Variants in PPP2R3C observed in about 807,000 individuals in gnomAD.
The protein encoded by PPP2R3C is serine/threonine-protein phosphatase 2A regulatory subunit B'' subunit gamma.
A neutral mutation model predicts 63.7 loss-of-function variants in PPP2R3C; 47 were observed. The observed-to-expected ratio is 0.74, with a 90% CI of 0.58 to 0.94. The LOEUF is 0.94. Ranked by LOEUF, PPP2R3C falls within the 40% of genes least tolerant of loss-of-function variation. PPP2R3C has a pLI of 0.00. For missense variants in PPP2R3C, 421 were observed against 518.4 expected, an observed-to-expected ratio of 0.81 and a Z score of 1.82; for synonymous variants, 180 against 177.4, an observed-to-expected ratio of 1.01 and a Z score of -0.12.
chr14:35,102,274 T>TCA (rs2046223136), intron 6 of PPP2R3C: 1 of 152,254 alleles, frequency 6.6e-6, no homozygotes, highest in Non-Finnish European at 1.5e-5. Context: ...TCTGCCTGCC[T>TCA]TGGCCTCCCA....
chr14:35,106,046 C>G (rs985977147), intron 6 of PPP2R3C, among the ~76,000 whole-genome samples: 1 of 151,732 alleles, frequency 6.6e-6, no homozygotes, highest in African/African-American at 2.4e-5. Flanking sequence ...GGGGTTTCAC[C>G]GTGTTAGCCA....
Position 35,095,127 on chromosome 14 carries a change from G to A in PPP2R3C, c.896C>T (p.Ser299Leu), listed in dbSNP as rs914955161. Reference sequence around the variant, plus strand: ...GGTCATGGTAGCTGTTCCATAGCGTGAGAGTTCTTCTTTACTGAGCATGCC... The same window carrying A: ...GGTCATGGTAGCTGTTCCATAGCGTAAGAGTTCTTCTTTACTGAGCATGCC... ...HNGMLSKEEL[S>L]RYGTATMTNV... is the part of the protein sequence containing the mutation. The change falls in exon 10 of 13, where the codon TCA (serine) becomes TTA (leucine). Residue 299 changes from serine (S) to leucine (L), a missense_variant. This residue lies in a region of PPP2R3C where 231 missense variants were observed against 264.8 expected (regional missense o/e 0.87). Transcript: ENST00000261475. The A allele has an allele frequency of 2.5e-6, 4 of 1,612,492 alleles. No individual in the cohort carries two copies. Among genetic ancestry groups the A allele is most frequent in the African/African-American group, 2.7e-5 (2 of 74,898 alleles).
intron 2 of PPP2R3C, among the ~76,000 whole-genome samples, chr14:35,112,548 G>C (rs563925651): frequency 2.6e-5 from 4 of 152,228 alleles, no homozygotes; most frequent in South Asian, 4.1e-4. Context: ...CCATCAGAAG[G>C]AACAGAGTTA....
chr14:35,112,562 G>A (rs963134879), intron 2 of PPP2R3C, among the ~76,000 whole-genome samples: 1 of 152,108 alleles, frequency 6.6e-6, no homozygotes, highest in African/African-American at 2.4e-5. Context: ...AGAGTTAAAG[G>A]AGTATAAACC....
chr14:35,108,188 T>A lies in PPP2R3C; in HGVS notation c.453A>T (p.Ser151=), dbSNP rs1237492890. The change falls in exon 5 of 13, where the codon TCA becomes TCT. Residue 151 remains serine (S), a synonymous_variant. Coordinates refer to ENST00000261475, the MANE Select transcript of PPP2R3C (RefSeq NM_017917.4). ...KVFAKLLHTD[S]YGRISIMQFF... Reference sequence around the variant, plus strand: ...ACTGCATGATGGAAATTCTTCCATATGAATCTGTATGAAGGAGTTTAGCAA... The same window carrying A: ...ACTGCATGATGGAAATTCTTCCATAAGAATCTGTATGAAGGAGTTTAGCAA... 5 of 1,602,230 alleles carry A rather than the reference T, an allele frequency of 3.1e-6. No individual in the cohort carries two copies. Among genetic ancestry groups the A allele is most frequent in the East Asian group, 2.3e-5 (1 of 44,436 alleles).
At position 35,090,919 on chromosome 14, in the gene PPP2R3C, G is replaced by A. The variant is rs766249402; in HGVS notation, c.1113+151C>T. On this transcript the variant is annotated intron_variant, in intron 11 of 12. Transcript: ENST00000261475. ...TTTAGTAGAGACGGGGTTTCACCATGTTAGCCAGGATGGTCTCTATCTCCT... is the reference window on the plus strand; with the variant it reads ...TTTAGTAGAGACGGGGTTTCACCATATTAGCCAGGATGGTCTCTATCTCCT... 8.0e-4 allele frequency: 460 copies of A among 572,700 alleles called. 4 individuals carry two copies. Among genetic ancestry groups the A allele is most frequent in the South Asian group, 2.0e-4 (8 of 40,732 alleles). The allele number at this position is 572,700 out of a possible 1,614,324, so 35.5% of individuals were successfully genotyped here. A position where few individuals can be genotyped will look rare whatever the true frequency, so the allele number is the denominator to read the frequency against.
Position 35,095,041 on chromosome 14 carries a change from C to A in PPP2R3C, c.975+7G>T, listed in dbSNP as rs775383598. The stretch of plus-strand genomic sequence containing the variant: ...TTTAAAACTTAGCAGCAGATTTAAA[C>A]TACTACCATTTCTCCATCATAAGTG... On this transcript the variant is annotated splice_region_variant and intron_variant, in intron 10 of 12. Transcript: ENST00000261475. 1.2e-6 allele frequency: 2 copies of A among 1,601,542 alleles called. No homozygotes were observed. The highest frequency in any genetic ancestry group is 3.3e-5 in the Admixed American group (2 of 59,808).
chr14:35,109,096 T>C (rs141569602), intron 4 of PPP2R3C, among the ~76,000 whole-genome samples: 15,971 of 151,998 alleles, frequency 0.11, 1,061 homozygotes, highest in African/African-American at 0.19. Context: ...CTTGCTCTTT[T>C]GCCAAGCTGG....
At chr14:35,099,514 G>A (rs1033430690) in intron 6 of PPP2R3C, 130 bp from the exon 7 acceptor site, 149 of 1,154,096 alleles carry the variant, frequency 1.3e-4, no homozygotes, top group African/African-American at 1.0e-3. Flanking sequence ...TATTTTAGTG[G>A]TAAAACTATT....
chr14:35,096,061 C>A lies in PPP2R3C; in HGVS notation c.838+497G>T, dbSNP rs907991936. 1.2e-4 allele frequency among the ~76,000 whole-genome samples: 18 copies of A among 152,270 alleles called. 1 individual carries two copies. Among genetic ancestry groups the A allele is most frequent in the Middle Eastern group, 3.4e-3 (1 of 294 alleles). ...AGTGTATAACTTAAAAAGGGTTCTG[C>A]TGGGTGCAGTGCCTCATGCCTATAA... On this transcript the variant is annotated intron_variant, in intron 9 of 12. Transcript: ENST00000261475.
intron 12 of PPP2R3C, 128 bp from the exon 13 acceptor site, chr14:35,085,906 G>A (rs1368590374): frequency 1.4e-6 from 1 of 698,656 alleles, no homozygotes; most frequent in African/African-American, 1.8e-5. Context: ...TGCCACTTGG[G>A]CTTATGTTAA....
chr14:35,120,341 TTGAAGGTATTCTCCTGCCTCAACCTC>T (rs2046830682), intron 1 of PPP2R3C, among the ~76,000 whole-genome samples: 1 of 151,614 alleles, frequency 6.6e-6, no homozygotes, highest in South Asian at 2.1e-4. Flanking sequence ...GCCTCTCGGG[TTGAAGGTATTCTCCTGCCTCAACCTC>T]TGGAGTAGCT....
intron 11 of PPP2R3C, among the ~76,000 whole-genome samples, chr14:35,089,705 A>C (rs1021493487): frequency 3.5e-4 from 52 of 150,688 alleles, no homozygotes; most frequent in Non-Finnish European, 6.9e-4. Flanking sequence ...TCGCTCTGTT[A>C]CCCAGGCTGC....
intron 2 of PPP2R3C, among the ~76,000 whole-genome samples, chr14:35,111,773 C>A (rs1433669252): frequency 6.6e-6 from 1 of 152,190 alleles, no homozygotes; most frequent in African/African-American, 2.4e-5. Flanking sequence ...GCAGACTCAG[C>A]ACGCAAGGAC....
At chr14:35,098,658 A>AT (rs1364373382) in intron 7 of PPP2R3C, 1 of 152,044 alleles carries the variant, frequency 6.6e-6, no homozygotes, top group Non-Finnish European at 1.5e-5. Flanking sequence ...CCATAGCTGA[A>AT]TTTTCAAGGA....
intron 10 of PPP2R3C, among the ~76,000 whole-genome samples, chr14:35,094,545 T>G (rs2045934657): frequency 6.8e-6 from 1 of 147,582 alleles, no homozygotes; most frequent in Non-Finnish European, 1.5e-5. Context: ...AAATGAACAA[T>G]AAGCTTTTCT....
At chr14:35,109,328 T>G (rs2046469314) in intron 4 of PPP2R3C, among the ~76,000 whole-genome samples, 1 of 152,210 alleles carries the variant, frequency 6.6e-6, no homozygotes, top group Non-Finnish European at 1.5e-5. Flanking sequence ...GTGCTGGGAT[T>G]ACAGGCATGA....
At chr14:35,087,129 C>G (rs1566681503) in intron 12 of PPP2R3C, 1 of 152,048 alleles carries the variant, frequency 6.6e-6, no homozygotes, top group Admixed American at 6.6e-5. Context: ...CAAAAAGAAG[C>G]TAAATTCTGC....
chr14:35,093,299 TCTCA>T (rs2045889033), intron 10 of PPP2R3C, among the ~76,000 whole-genome samples: 1 of 151,992 alleles, frequency 6.6e-6, no homozygotes, highest in Admixed American at 6.6e-5. Context: ...ATTGGGAGGT[TCTCA>T]CTTAGATAAA....
Sources: allele counts gnomAD v4.1 joint callset (sites outside exome capture counted in the v4.1 genomes callset), GRCh38; gene constraint gnomAD v4.1.1; regional missense constraint gnomAD v4.1.1; transcripts MANE v1.5; gene names NCBI Gene and HGNC (gene_info 2026-07-23, HGNC 2026-07-21).